The following CAST variants were observed in gnomAD, a reference collection of about 807,000 sequenced individuals.
The protein encoded by CAST is MIR583 host.
A neutral mutation model predicts 119.6 loss-of-function variants in CAST; 76 were observed. The ratio of observed to expected loss-of-function variants is 0.64; its 90% CI spans 0.53 to 0.77. CAST has a LOEUF of 0.77. Ranked by LOEUF, CAST falls within the 30% of genes least tolerant of loss-of-function variation. The pLI is 0.00. For synonymous variants in CAST, 319 were observed against 331.6 expected, an observed-to-expected ratio of 0.96 and a Z score of 0.41; for missense variants, 953 against 946.5, an observed-to-expected ratio of 1.01 and a Z score of -0.09.
At chr5:96,739,735 G>A (rs1762324433) in intron 11 of CAST, among the ~76,000 whole-genome samples, 1 of 152,118 alleles carries the variant, frequency 6.6e-6, no homozygotes, top group Non-Finnish European at 1.5e-5. Flanking sequence ...CTTATTAACT[G>A]CTCTTTTGTA....
chr5:96,541,729 T>C (rs941339363), intron 1 of CAST, among the ~76,000 whole-genome samples: 1 of 152,210 alleles, frequency 6.6e-6, no homozygotes, highest in Non-Finnish European at 1.5e-5. Flanking sequence ...TATATAGCCA[T>C]TTCAGACTGA....
At position 96,741,511 on chromosome 5, in the gene CAST, A is replaced by T. The variant is rs773675822; in HGVS notation, c.1029A>T (p.Leu343Phe). 6.2e-7 allele frequency: 1 copy of T among 1,613,286 alleles called. No homozygotes were observed. The highest frequency in any genetic ancestry group is 1.1e-5 in the South Asian group (1 of 91,026). ...TTTTTCAGGAATCTACAGAAGTTTT[A>T]AAAGCTCAGTCAGCAGGGACAGTCA... ...KTEKEESTEVLKAQSAGTVRS... is the reference protein window; with the variant it reads ...KTEKEESTEVFKAQSAGTVRS... Residue 343 changes from leucine to phenylalanine, a missense_variant, in exon 15 of 32, where the codon TTA becomes TTT. Physicochemically the swap from Leu to Phe is conservative, Grantham distance 22 (BLOSUM62 0). Coordinates refer to ENST00000675179, the MANE Select transcript of CAST (RefSeq NM_001750.7).
chr5:96,574,547 TCAA>T (rs1746632064), intron 1 of CAST, among the ~76,000 whole-genome samples: 2 of 152,370 alleles, frequency 1.3e-5, no homozygotes, highest in East Asian at 3.9e-4. Flanking sequence ...TTGATGAAGT[TCAA>T]TGCATCAATT....
chr5:96,336,177 C>T, the CAST span, among the ~76,000 whole-genome samples: 1 of 152,196 alleles, frequency 6.6e-6, no homozygotes, highest in South Asian at 2.1e-4. Flanking sequence ...ACCTTAGCTC[C>T]TACCACCCGC....
At chr5:96,740,883 C>T (rs530702218) in intron 13 of CAST, 100 bp downstream of exon 13, 18 of 790,234 alleles carry the variant, frequency 2.3e-5, no homozygotes, top group Non-Finnish European at 3.9e-5. Flanking sequence ...TATGACTTAA[C>T]TCATCTCCAA....
At chr5:96,144,465 G>A in the CAST span, among the ~76,000 whole-genome samples, 2 of 151,988 alleles carry the variant, frequency 1.3e-5, no homozygotes, top group South Asian at 2.1e-4. Context: ...CTGTTTAGCC[G>A]CTGCTATTTA....
At chr5:96,385,750 A>G in the CAST span, among the ~76,000 whole-genome samples, 1 of 152,242 alleles carries the variant, frequency 6.6e-6, no homozygotes, top group Non-Finnish European at 1.5e-5. Context: ...TCAAACTGTC[A>G]TGTATATTAA....
chr5:96,662,523 C>T (rs934411659), intron 1 of CAST, 26 bp downstream of exon 1: 51 of 1,350,644 alleles, frequency 3.8e-5, no homozygotes, highest in Admixed American at 7.8e-5. Flanking sequence ...GTCGGCGTCG[C>T]GGGGCTGGGC....
the CAST span, among the ~76,000 whole-genome samples, chr5:96,148,000 T>C: frequency 2.0e-5 from 3 of 152,282 alleles, no homozygotes; most frequent in Non-Finnish European, 2.9e-5. Flanking sequence ...TTCAATTTCA[T>C]CATCGGACTT....
At chr5:96,293,671 A>G in the CAST span, among the ~76,000 whole-genome samples, 1 of 152,152 alleles carries the variant, frequency 6.6e-6, no homozygotes, top group South Asian at 2.1e-4. Context: ...TGACTATACT[A>G]AGATAGTATT....
chr5:96,397,436 C>T, the CAST span: 5 of 1,612,634 alleles, frequency 3.1e-6, no homozygotes, highest in East Asian at 2.2e-5. Context: ...AGATGTATCC[C>T]GTTCTCTTTC....
chr5:96,201,008 G>A, the CAST span, among the ~76,000 whole-genome samples: 1 of 152,090 alleles, frequency 6.6e-6, no homozygotes, highest in Non-Finnish European at 1.5e-5. Flanking sequence ...AATAATAAAA[G>A]AGCATTGAAA....
chr5:96,186,542 G>A, the CAST span, among the ~76,000 whole-genome samples: 1 of 152,160 alleles, frequency 6.6e-6, no homozygotes, highest in Non-Finnish European at 1.5e-5. Context: ...AGTTTATTGA[G>A]AGTTTTTAAC....
At chr5:96,433,166 C>T in the CAST span, 1 of 935,098 alleles carries the variant, frequency 1.1e-6, no homozygotes, top group Non-Finnish European at 1.7e-6. Context: ...CTCCTGGTTG[C>T]TCTGCGAAGA....
the CAST span, among the ~76,000 whole-genome samples, chr5:96,003,462 T>C: frequency 1.4e-5 from 2 of 142,354 alleles, no homozygotes; most frequent in Non-Finnish European, 3.0e-5. Context: ...AGTGTGAACC[T>C]GGGAGGCGGA....
chr5:96,119,597 C>A, the CAST span, among the ~76,000 whole-genome samples: 1 of 152,082 alleles, frequency 6.6e-6, no homozygotes, highest in Non-Finnish European at 1.5e-5. Flanking sequence ...TATGTTTTCA[C>A]ATATATATTT....
chr5:96,577,002 G>A (rs1023896060), intron 1 of CAST, among the ~76,000 whole-genome samples: 1 of 152,080 alleles, frequency 6.6e-6, no homozygotes, highest in African/African-American at 2.4e-5. Context: ...TCCCACAACA[G>A]GCCCCAGTGT....
chr5:96,658,163 C>T (rs796491040), upstream of CAST, among the ~76,000 whole-genome samples: 14 of 152,132 alleles, frequency 9.2e-5, 1 homozygote, highest in African/African-American at 2.7e-4. Flanking sequence ...GGGGCCATGA[C>T]GAACTTGCAC....
chr5:96,619,185 A>G (rs897312098), intron 1 of CAST, among the ~76,000 whole-genome samples: 1 of 152,054 alleles, frequency 6.6e-6, no homozygotes, highest in Non-Finnish European at 1.5e-5. Flanking sequence ...AAATGCACCA[A>G]TCAGCACTCT....
Sources: allele counts gnomAD v4.1 joint callset (sites outside exome capture counted in the v4.1 genomes callset), GRCh38; gene constraint gnomAD v4.1.1; transcripts MANE v1.5; gene names NCBI Gene and HGNC (gene_info 2026-07-23, HGNC 2026-07-21).